Variants in SLC4A4 observed in about 807,000 individuals in gnomAD.
The protein encoded by SLC4A4 is electrogenic sodium bicarbonate cotransporter 1.
Under a neutral mutation model 111.5 loss-of-function variants are expected in SLC4A4, and 27 were observed. The observed-to-expected ratio is 0.24, with a 90% confidence interval of 0.18 to 0.33. The LOEUF (loss-of-function observed/expected upper bound fraction) is 0.33. Ranked by LOEUF, SLC4A4 falls within the 10% of genes least tolerant of loss-of-function variation. SLC4A4 has a pLI of 1.00. For missense variants in SLC4A4, 909 were observed against 1,315.5 expected, an observed-to-expected ratio of 0.69 and a Z score of 4.78; for synonymous variants, 443 against 463.4, an observed-to-expected ratio of 0.96 and a Z score of 0.57.
chr4:71,072,290 G>T (rs1288685888), intron 1 of SLC4A4, among the ~76,000 whole-genome samples: 4 of 152,048 alleles, frequency 2.6e-5, no homozygotes, highest in Non-Finnish European at 2.9e-5. Flanking sequence ...ATTTTGTATA[G>T]ATGGCTGTTG....
At chr4:71,506,341 AT>A (rs1431136721) in intron 16 of SLC4A4, among the ~76,000 whole-genome samples, 2 of 151,926 alleles carry the variant, frequency 1.3e-5, no homozygotes, top group Non-Finnish European at 2.9e-5. Context: ...ATGCTCTTCC[AT>A]TTTTTTCTGT....
chr4:71,549,748 T>G (rs1735826858), intron 20 of SLC4A4, among the ~76,000 whole-genome samples: 1 of 151,806 alleles, frequency 6.6e-6, no homozygotes, highest in East Asian at 1.9e-4. Flanking sequence ...TACTGTATAA[T>G]TACTATTTTT....
intron 6 of SLC4A4, among the ~76,000 whole-genome samples, chr4:71,377,065 T>TA (rs1167283235): frequency 1.3e-5 from 2 of 152,248 alleles, no homozygotes; most frequent in Non-Finnish European, 1.5e-5. Context: ...CGCAATGGTT[T>TA]ATTGTTAAAG....
In SLC4A4 at chr4:71,129,976, T is replaced by C. The variant is rs1165222340; in HGVS notation, c.-2+37184T>C. Among the ~76,000 whole-genome samples, 3 of 152,108 alleles carry C rather than the reference T, an allele frequency of 2.0e-5. No individual in the cohort carries two copies. In the East Asian group the frequency reaches 5.8e-4, roughly 29 times the overall value. On this transcript the variant is annotated intron_variant, in intron 2 of 26. Coordinates refer to the SLC4A4 transcript ENST00000649996. ...GAAGAGAAAAACAGACACTAGAGCC[T>C]ACTTGAGGATAGAGGGAGGAAGGAG...
Position 71,205,023 on chromosome 4 carries a change from C to T in SLC4A4, c.-2+17622C>T, listed in dbSNP as rs372756568. ...GTCATGGGTGATGGTGTGACAGGAC[C>T]TTTAGGAAGGAGGTGGGTTAGAATT... On this transcript the variant is annotated intron_variant, in intron 1 of 25. Coordinates refer to ENST00000264485, the MANE Select transcript of SLC4A4 (RefSeq NM_001098484.3). Among the ~76,000 whole-genome samples the T allele has an allele frequency of 2.8e-4, 42 of 152,130 alleles. 1 individual carries two copies. The highest frequency in any genetic ancestry group is 2.8e-3 in the Admixed American group (42 of 15,268).
At chr4:71,277,650 C>G (rs1723183022) in intron 3 of SLC4A4, among the ~76,000 whole-genome samples, 1 of 148,214 alleles carries the variant, frequency 6.7e-6, no homozygotes, top group South Asian at 2.2e-4. Flanking sequence ...TCACTTCTCT[C>G]TCCTTCTTTC....
intron 3 of SLC4A4, among the ~76,000 whole-genome samples, chr4:71,278,787 G>C (rs145981821): frequency 7.2e-5 from 11 of 152,100 alleles, no homozygotes; most frequent in Non-Finnish European, 1.6e-4. Flanking sequence ...TTTAAAAAAT[G>C]AGATTGTCAT....
At chr4:71,509,322 A>G (rs762141691) in intron 16 of SLC4A4, among the ~76,000 whole-genome samples, 7 of 152,136 alleles carry the variant, frequency 4.6e-5, no homozygotes, top group Non-Finnish European at 8.8e-5. Context: ...TAGCCTTTTT[A>G]TATTTCTTGT....
At chr4:71,071,909 G>A (rs1305649527) in intron 1 of SLC4A4, among the ~76,000 whole-genome samples, 2 of 152,156 alleles carry the variant, frequency 1.3e-5, no homozygotes, top group South Asian at 2.1e-4. Flanking sequence ...ATTCCTAGAA[G>A]TGGAATTTCT....
chr4:71,082,955 G>A (rs912714201), intron 1 of SLC4A4, among the ~76,000 whole-genome samples: 2 of 151,788 alleles, frequency 1.3e-5, no homozygotes, highest in African/African-American at 4.9e-5. Context: ...CCAGGCTTAA[G>A]GAGTTCTTGT....
rs143282627 is a variant in SLC4A4 at position 71,175,176 on chromosome 4, T to A, written c.-1-61400T>A. 1.5e-4 allele frequency among the ~76,000 whole-genome samples: 23 copies of A among 152,226 alleles called. No individual in the cohort carries two copies. The East Asian group carries it at 4.4e-3, about 29-fold the overall frequency. On this transcript the variant is annotated intron_variant, in intron 2 of 26. Coordinates refer to the SLC4A4 transcript ENST00000649996. Reference sequence around the variant, plus strand: ...CCAAATTTCATTTAAAAATAAGCAATCTATGTGCACAGTTAAAATTTTTAA... The same window carrying A: ...CCAAATTTCATTTAAAAATAAGCAAACTATGTGCACAGTTAAAATTTTTAA...
intron 2 of SLC4A4, among the ~76,000 whole-genome samples, chr4:71,248,571 A>C (rs1720844955): frequency 3.9e-5 from 6 of 152,110 alleles, no homozygotes; most frequent in Admixed American, 3.9e-4. Flanking sequence ...TGCAGTTTAC[A>C]TAGGGTAACC....
chr4:71,067,076 G>C (rs1741535800), intron 1 of SLC4A4, among the ~76,000 whole-genome samples: 1 of 151,960 alleles, frequency 6.6e-6, no homozygotes, highest in African/African-American at 2.4e-5. Context: ...ACTAAGGAAA[G>C]CAATTCTCTA....
intron 22 of SLC4A4, among the ~76,000 whole-genome samples, chr4:71,558,669 T>A (rs1356644829): frequency 6.6e-6 from 1 of 152,008 alleles, no homozygotes; most frequent in Non-Finnish European, 1.5e-5. Context: ...AACAGAATTT[T>A]CCTACACTTA....
At chr4:71,501,808 C>T (rs186467047) in intron 16 of SLC4A4, among the ~76,000 whole-genome samples, 112 of 151,510 alleles carry the variant, frequency 7.4e-4, no homozygotes, top group African/African-American at 2.2e-3. Context: ...ACTACAGGGG[C>T]GTGCCACCAT....
chr4:71,074,780 C>T (rs974682797), intron 1 of SLC4A4, among the ~76,000 whole-genome samples: 3 of 152,156 alleles, frequency 2.0e-5, no homozygotes, highest in Admixed American at 6.5e-5. Flanking sequence ...CAAATTCTGT[C>T]GGCAAATTGT....
intron 1 of SLC4A4, among the ~76,000 whole-genome samples, chr4:71,203,482 CTG>C (rs1746347788): frequency 6.6e-6 from 1 of 152,188 alleles, no homozygotes. Flanking sequence ...GCCACAGTTA[CTG>C]TGTGATGACT....
In SLC4A4 at chr4:71,339,468, G is replaced by C. The variant is rs376538998; in HGVS notation, c.352G>C (p.Val118Leu). 1 of 1,614,012 alleles carries C rather than the reference G, an allele frequency of 6.2e-7. No homozygotes were observed. The highest frequency in any genetic ancestry group is 8.5e-7 in the Non-Finnish European group (1 of 1,180,016). Residue 118 changes from valine to leucine, a missense_variant, in exon 4 of 26, where the codon GTG becomes CTG. Transcript: ENST00000264485. ...LFTELDELLA[V>L]DGQEMEWKET... is the part of the protein sequence containing the mutation. ...CACGGAACTGGATGAGCTGCTGGCC[G>C]TGGATGGGCAGGAGATGGAGTGGAA...
In SLC4A4 at chr4:71,526,571, A is replaced by T. The variant is rs79055651; in HGVS notation, c.2167-5491A>T. Reference sequence around the variant, plus strand: ...TACATATGTATTATGTATATACATCATATTATACGTATCATTAACATATCT... The same window carrying T: ...TACATATGTATTATGTATATACATCTTATTATACGTATCATTAACATATCT... On this transcript the variant is annotated intron_variant, in intron 16 of 25. Coordinates refer to ENST00000264485, the MANE Select transcript of SLC4A4 (RefSeq NM_001098484.3). Among the ~76,000 whole-genome samples the T allele has an allele frequency of 5.1e-3, 776 of 152,204 alleles. 5 individuals are homozygous for T. The highest frequency in any genetic ancestry group is 8.9e-3 in the Non-Finnish European group (602 of 67,986).
Sources: gnomAD v4.1 joint callset for allele counts (sites outside exome capture counted in the v4.1 genomes callset) on GRCh38, gnomAD v4.1.1 for gene constraint, MANE v1.5 for transcripts, NCBI Gene and HGNC (gene_info 2026-07-23, HGNC 2026-07-21) for gene names.